The following NCAM2 variants were observed in gnomAD, a reference collection of about 807,000 sequenced individuals.
NCAM2 encodes neural cell adhesion molecule 2, also known as N-CAM-2.
In NCAM2, 30 loss-of-function variants were observed where a neutral mutation model predicts 98.1. That is an observed-to-expected ratio of 0.31 (90% confidence interval 0.23 to 0.41). The LOEUF is 0.41. Among genes scored for constraint, NCAM2 ranks in the 10% least tolerant of loss-of-function variants. NCAM2 has a pLI of 1.00. For synonymous variants in NCAM2, 368 were observed against 342.4 expected, an observed-to-expected ratio of 1.07 and a Z score of -0.83; for missense variants, 867 against 1,005.8, an observed-to-expected ratio of 0.86 and a Z score of 1.87.
intron 1 of NCAM2, among the ~76,000 whole-genome samples, chr21:21,209,140 A>G (rs1049663100): frequency 6.0e-5 from 9 of 150,676 alleles, no homozygotes; most frequent in African/African-American, 2.2e-4. Flanking sequence ...CTTTGAGAAC[A>G]TCAAATGGTA....
chr21:21,322,885 G>A lies in NCAM2; in HGVS notation c.620-1498G>A, dbSNP rs139069034. 8.6e-3 allele frequency among the ~76,000 whole-genome samples: 1,304 copies of A among 152,256 alleles called. 12 individuals carry two copies. The highest frequency in any genetic ancestry group is 0.012 in the Non-Finnish European group (843 of 68,004). ...CAACCGGTCAGGAGAATTATAACTT[G>A]AAGGTAGTCCACCACGTCCATGTTA... On this transcript the variant is annotated intron_variant, in intron 5 of 17. Coordinates refer to ENST00000400546, the MANE Select transcript of NCAM2 (RefSeq NM_004540.5).
intron 1 of NCAM2, among the ~76,000 whole-genome samples, chr21:21,064,552 G>T (rs1049057301): frequency 1.3e-5 from 2 of 152,138 alleles, no homozygotes. Context: ...CACCAGCTAG[G>T]TTAGTCATTC....
At chr21:21,406,637 A>G (rs544979591) in intron 9 of NCAM2, among the ~76,000 whole-genome samples, 21 of 152,282 alleles carry the variant, frequency 1.4e-4, no homozygotes, top group African/African-American at 4.8e-4. Context: ...ACATACTTCC[A>G]TCTTTTCACT....
rs1220998129 is a variant in NCAM2, at chr21:21,543,053, C to T, written c.*5096C>T. Reference sequence around the variant, plus strand: ...TTTGGTATGTGAACTGTATGCTGTGCTCAGTATGTACTGAAACATACTATC... The same window carrying T: ...TTTGGTATGTGAACTGTATGCTGTGTTCAGTATGTACTGAAACATACTATC... On this transcript the variant is annotated 3_prime_UTR_variant, in exon 18 of 18. Coordinates refer to ENST00000400546, the MANE Select transcript of NCAM2 (RefSeq NM_004540.5). The T allele has an allele frequency of 6.6e-6, 1 of 151,642 alleles. No homozygotes were observed. Among genetic ancestry groups the T allele is most frequent in the South Asian group, 2.1e-4 (1 of 4,822 alleles). The allele number at this position is 151,642 out of a possible 1,614,324, so 9.4% of individuals were successfully genotyped here. A position where few individuals can be genotyped will look rare whatever the true frequency, so the allele number is the denominator to read the frequency against.
chr21:21,141,376 G>C (rs1358697161), intron 1 of NCAM2, among the ~76,000 whole-genome samples: 1 of 152,108 alleles, frequency 6.6e-6, no homozygotes, highest in Non-Finnish European at 1.5e-5. Context: ...CTGGCAGTTG[G>C]AAATGGTTCT....
chr21:21,014,406 G>A lies in NCAM2; in HGVS notation c.55+15788G>A, dbSNP rs137915850. On this transcript the variant is annotated intron_variant, in intron 1 of 17. Transcript: ENST00000400546. ...GCTATTGCACTCCAGCCTGGGCAAT[G>A]GAGTGAGACTCCATCTCAAAAAAAA... is the stretch of plus-strand genomic sequence containing the variant. 6.7e-3 allele frequency among the ~76,000 whole-genome samples: 1,002 copies of A among 149,044 alleles called. 8 individuals are homozygous for A. Among genetic ancestry groups the A allele is most frequent in the African/African-American group, 0.023 (949 of 40,548 alleles).
intron 9 of NCAM2, among the ~76,000 whole-genome samples, chr21:21,399,253 T>C (rs1485969852): frequency 6.6e-6 from 1 of 152,242 alleles, no homozygotes; most frequent in Non-Finnish European, 1.5e-5. Context: ...TATTAAATTA[T>C]TCTAGCCTCC....
At chr21:21,261,848 A>C (rs2071912283) in intron 1 of NCAM2, among the ~76,000 whole-genome samples, 1 of 152,132 alleles carries the variant, frequency 6.6e-6, no homozygotes, top group Admixed American at 6.6e-5. Flanking sequence ...AGAAACATGA[A>C]ACAGCAAAGG....
intron 4 of NCAM2, among the ~76,000 whole-genome samples, chr21:21,287,398 G>C (rs898838217): frequency 6.6e-6 from 1 of 151,940 alleles, no homozygotes; most frequent in Non-Finnish European, 1.5e-5. Flanking sequence ...TTCAATGCTT[G>C]TCAGTTTCCA....
chr21:21,536,366 A>G (rs1292196797), intron 17 of NCAM2, among the ~76,000 whole-genome samples: 4 of 151,806 alleles, frequency 2.6e-5, no homozygotes, highest in African/African-American at 9.7e-5. Context: ...TTAAAGTCAC[A>G]GAGATGGATT....
At chr21:21,458,877 C>T (rs549536378) in intron 12 of NCAM2, among the ~76,000 whole-genome samples, 96 of 152,122 alleles carry the variant, frequency 6.3e-4, no homozygotes, top group African/African-American at 2.2e-3. Flanking sequence ...AACTTCCGCA[C>T]ATAAAAGGAA....
intron 12 of NCAM2, among the ~76,000 whole-genome samples, chr21:21,444,799 A>AT (rs1979847491): frequency 6.6e-6 from 1 of 151,830 alleles, no homozygotes; most frequent in African/African-American, 2.4e-5. Flanking sequence ...GGATTCATTG[A>AT]TTTTTTGGAG....
At chr21:21,525,868 A>T (rs1311298297) in intron 16 of NCAM2, among the ~76,000 whole-genome samples, 1 of 152,118 alleles carries the variant, frequency 6.6e-6, no homozygotes, top group Non-Finnish European at 1.5e-5. Context: ...AATCAATGTA[A>T]ATCCAACACT....
At chr21:21,233,958 A>G (rs1266385611) in intron 1 of NCAM2, among the ~76,000 whole-genome samples, 7 of 151,738 alleles carry the variant, frequency 4.6e-5, no homozygotes, top group African/African-American at 1.7e-4. Flanking sequence ...TGTGATGGAG[A>G]GTCCGTTTAT....
intron 12 of NCAM2, among the ~76,000 whole-genome samples, chr21:21,448,295 A>G (rs1980497804): frequency 6.6e-6 from 1 of 152,060 alleles, no homozygotes; most frequent in Non-Finnish European, 1.5e-5. Context: ...ACACAGGAAC[A>G]GAAAACCAAA....
At chr21:21,398,396 C>G (rs764958503) in intron 9 of NCAM2, among the ~76,000 whole-genome samples, 8 of 151,746 alleles carry the variant, frequency 5.3e-5, no homozygotes, top group Non-Finnish European at 1.2e-4. Flanking sequence ...CCACCTGTTC[C>G]CCAAAAACCT....
At chr21:21,227,047 T>G (rs1016513828) in intron 1 of NCAM2, among the ~76,000 whole-genome samples, 1 of 151,958 alleles carries the variant, frequency 6.6e-6, no homozygotes, top group African/African-American at 2.4e-5. Context: ...GCAAATATAA[T>G]TAATGGAGAA....
intron 1 of NCAM2, among the ~76,000 whole-genome samples, chr21:21,167,439 G>GA (rs1569100228): frequency 2.0e-5 from 3 of 151,566 alleles, no homozygotes; most frequent in Admixed American, 2.0e-4. Flanking sequence ...TCAGGAAACA[G>GA]AAAAAAAGAG....
chr21:21,097,997 A>G (rs1039826954), intron 1 of NCAM2, among the ~76,000 whole-genome samples: 7 of 21,658 alleles, frequency 3.2e-4, no homozygotes, highest in Non-Finnish European at 1.7e-3. Flanking sequence ...GGTTTTTCTT[A>G]TTATTATGGC....
Sources: allele counts gnomAD v4.1 joint callset (sites outside exome capture counted in the v4.1 genomes callset), GRCh38; gene constraint gnomAD v4.1.1; transcripts MANE v1.5; gene names NCBI Gene and HGNC (gene_info 2026-07-23, HGNC 2026-07-21).